Variants in STX18 observed in about 807,000 individuals in gnomAD.
STX18 encodes syntaxin-18.
In STX18, 40 loss-of-function variants were observed where a neutral mutation model predicts 50.1. The ratio of observed to expected loss-of-function variants is 0.80; its 90% CI spans 0.62 to 1.04. The LOEUF is 1.04. STX18 is among the 50% of genes least tolerant of loss of function. STX18 has a pLI of 0.00. For missense variants in STX18, 410 were observed against 415.8 expected (o/e 0.99, Z 0.12); for synonymous variants, 158 against 151.8 (o/e 1.04, Z -0.30).
At chr4:4,524,844 T>C (rs189063504) in intron 1 of STX18, among the ~76,000 whole-genome samples, 324 of 152,320 alleles carry the variant, frequency 2.1e-3, no homozygotes, top group Admixed American at 3.8e-3. Context: ...TAAAGCAAGT[T>C]AGTGTTTATG....
At chr4:4,491,361 A>G (rs1181765461) in intron 1 of STX18, among the ~76,000 whole-genome samples, 3 of 152,142 alleles carry the variant, frequency 2.0e-5, no homozygotes, top group Admixed American at 1.3e-4. Context: ...AGGCTCAATT[A>G]AAGTTTTAGT....
chr4:4,422,468 C>G (rs1273459845), intron 9 of STX18, among the ~76,000 whole-genome samples: 2 of 150,762 alleles, frequency 1.3e-5, no homozygotes, highest in Non-Finnish European at 1.5e-5. Context: ...AAGAGGCTGA[C>G]TGAGGCAGGA....
chr4:4,502,490 A>G (rs1422062251), intron 1 of STX18, among the ~76,000 whole-genome samples: 3 of 152,304 alleles, frequency 2.0e-5, no homozygotes, highest in African/African-American at 7.2e-5. Context: ...TTTTCCTTTT[A>G]TATCTTTTCA....
chr4:4,538,474 A>G (rs145637213), intron 1 of STX18, among the ~76,000 whole-genome samples: 28 of 152,118 alleles, frequency 1.8e-4, no homozygotes, highest in African/African-American at 6.0e-4. Context: ...ACTTAACTAA[A>G]TTAAGGAATG....
intron 3 of STX18, among the ~76,000 whole-genome samples, chr4:4,459,062 G>GCACACGCACACACACA (rs1553837176): frequency 6.9e-6 from 1 of 144,282 alleles, no homozygotes; most frequent in Non-Finnish European, 1.5e-5. Flanking sequence ...ACACACACAC[G>GCACACGCACACACACA]CACACACACA....
intron 1 of STX18, chr4:4,477,875 G>A (rs188878773): frequency 2.6e-5 from 4 of 152,234 alleles, no homozygotes; most frequent in East Asian, 3.9e-4. Context: ...AATCGTGATC[G>A]CTACTTACAG....
chr4:4,422,384 T>C (rs911192925), intron 9 of STX18, among the ~76,000 whole-genome samples: 13 of 152,122 alleles, frequency 8.5e-5, no homozygotes, highest in African/African-American at 3.1e-4. Flanking sequence ...CTGGCCAAGA[T>C]GGTGAAACCC....
At chr4:4,440,308 G>T (rs1726038309) in intron 5 of STX18, among the ~76,000 whole-genome samples, 1 of 152,192 alleles carries the variant, frequency 6.6e-6, no homozygotes, top group Non-Finnish European at 1.5e-5. Flanking sequence ...AATTTGTATG[G>T]ATAAATTTAT....
intron 1 of STX18, among the ~76,000 whole-genome samples, chr4:4,533,982 A>T (rs1731219369): frequency 6.6e-6 from 1 of 152,230 alleles, no homozygotes; most frequent in South Asian, 2.1e-4. Flanking sequence ...AACAGGAGAG[A>T]ACCTGGCATC....
intron 5 of STX18, among the ~76,000 whole-genome samples, chr4:4,440,261 T>C (rs1726034991): frequency 6.6e-6 from 1 of 152,364 alleles, no homozygotes; most frequent in East Asian, 1.9e-4. Flanking sequence ...CAGCTAACAT[T>C]TGTTAATGGC....
chr4:4,489,972 T>C (rs1728871841), intron 1 of STX18, among the ~76,000 whole-genome samples: 1 of 152,176 alleles, frequency 6.6e-6, no homozygotes, highest in African/African-American at 2.4e-5. Context: ...GCAATTTAAA[T>C]CCCCTTTAAC....
intron 1 of STX18, among the ~76,000 whole-genome samples, chr4:4,531,216 T>C (rs1731083974): frequency 6.6e-6 from 1 of 151,974 alleles, no homozygotes; most frequent in African/African-American, 2.4e-5. Context: ...CATATATGCA[T>C]ATATTATTTT....
chr4:4,491,244 T>G (rs975039665), intron 1 of STX18, among the ~76,000 whole-genome samples: 2 of 152,084 alleles, frequency 1.3e-5, no homozygotes, highest in African/African-American at 2.4e-5. Flanking sequence ...CTCAACAGCA[T>G]TCATCCATAT....
chr4:4,487,437 C>T (rs1728749130), intron 1 of STX18, among the ~76,000 whole-genome samples: 1 of 152,196 alleles, frequency 6.6e-6, no homozygotes, highest in African/African-American at 2.4e-5. Flanking sequence ...TAGACTATCT[C>T]ATTGAATCCT....
chr4:4,452,383 G>A (rs566632407), intron 5 of STX18, among the ~76,000 whole-genome samples: 1 of 152,338 alleles, frequency 6.6e-6, no homozygotes, highest in East Asian at 1.9e-4. Flanking sequence ...ACATAAAACA[G>A]CCTTCTATTG....
At chr4:4,460,985 G>A (rs956228731) in intron 2 of STX18, among the ~76,000 whole-genome samples, 14 of 152,114 alleles carry the variant, frequency 9.2e-5, no homozygotes, top group African/African-American at 3.4e-4. Context: ...AGAGGCTAAC[G>A]GGGTCAGGGA....
chr4:4,455,480 G>T (rs1405353100), intron 5 of STX18, among the ~76,000 whole-genome samples: 3 of 152,252 alleles, frequency 2.0e-5, no homozygotes, highest in Non-Finnish European at 4.4e-5. Context: ...GCTATCCTTA[G>T]AAAGGCCTGC....
chr4:4,453,607 G>T, intron 5 of STX18: 3 of 890,536 alleles, frequency 3.4e-6, no homozygotes, highest in Non-Finnish European at 4.0e-6. Flanking sequence ...CTTTGTTGCT[G>T]TCTGGAACCA....
At chr4:4,475,514 A>C (rs1728134466) in intron 1 of STX18, among the ~76,000 whole-genome samples, 1 of 152,130 alleles carries the variant, frequency 6.6e-6, no homozygotes, top group Non-Finnish European at 1.5e-5. Flanking sequence ...AAAAAAGTTC[A>C]ACAAATCTTT....
Sources: allele counts gnomAD v4.1 joint callset (sites outside exome capture counted in the v4.1 genomes callset), GRCh38; gene constraint gnomAD v4.1.1; transcripts MANE v1.5; gene names NCBI Gene and HGNC (gene_info 2026-07-23, HGNC 2026-07-21).